Variants in TMEM132C observed in about 807,000 individuals in gnomAD.
TMEM132C encodes the protein transmembrane protein 132C.
TMEM132C carries 29 observed loss-of-function variants against 61.4 expected under a neutral mutation model. The observed-to-expected ratio is 0.47, with a 90% CI of 0.35 to 0.64. The LOEUF is 0.64. TMEM132C is among the 30% of genes least tolerant of loss of function. TMEM132C has a pLI of 0.00. For missense variants in TMEM132C, 1,408 were observed against 1,476.9 expected (o/e 0.95, Z 0.76); for synonymous variants, 656 against 633.1 (o/e 1.04, Z -0.54).
At chr12:128,476,136 T>C (rs1871146775) in intron 2 of TMEM132C, among the ~76,000 whole-genome samples, 1 of 152,226 alleles carries the variant, frequency 6.6e-6, no homozygotes, top group African/African-American at 2.4e-5. Context: ...TGATCATCCC[T>C]GCATTCTCCT....
chr12:128,346,242 A>G (rs1593019364), intron 1 of TMEM132C, among the ~76,000 whole-genome samples: 1 of 151,832 alleles, frequency 6.6e-6, no homozygotes, highest in Admixed American at 6.6e-5. Flanking sequence ...CTGTTTTTTT[A>G]TTCTCTTCCA....
intron 4 of TMEM132C, among the ~76,000 whole-genome samples, chr12:128,642,201 G>A (rs1026383298): frequency 7.3e-5 from 11 of 151,710 alleles, no homozygotes; most frequent in African/African-American, 1.7e-4. Flanking sequence ...GTGCGATCTC[G>A]GCTCACTGCA....
chr12:128,696,868 T>A (rs1447078847), intron 7 of TMEM132C, among the ~76,000 whole-genome samples: 1 of 152,214 alleles, frequency 6.6e-6, no homozygotes, highest in African/African-American at 2.4e-5. Context: ...AAATTTATAA[T>A]TCAATTCTTC....
chr12:128,398,722 A>G (rs1037734684), intron 1 of TMEM132C, among the ~76,000 whole-genome samples: 5 of 152,176 alleles, frequency 3.3e-5, no homozygotes, highest in Admixed American at 1.3e-4. Flanking sequence ...TAATAAAGAT[A>G]CTTCACGCAT....
rs144261529 is a variant in TMEM132C at position 128,469,662 on chromosome 12, GTATA to G, written c.974+54052_974+54055del. Among the ~76,000 whole-genome samples the G allele has an allele frequency of 6.6e-3, 958 of 144,840 alleles. 7 individuals carry two copies. Among genetic ancestry groups the G allele is most frequent in the African/African-American group, 0.022 (885 of 39,712 alleles). ...TGTTTGTGTGTGTGTGTGTGTGTGT[GTATA>G]TATATATATGTGCATTTATGTGTGT... On this transcript the variant is annotated intron_variant, in intron 2 of 8. Coordinates refer to ENST00000435159, the MANE Select transcript of TMEM132C (RefSeq NM_001136103.3).
intron 2 of TMEM132C, among the ~76,000 whole-genome samples, chr12:128,540,850 C>A (rs78574013): frequency 6.6e-6 from 1 of 151,376 alleles, no homozygotes; most frequent in East Asian, 1.9e-4. Flanking sequence ...TCAGGGCCCG[C>A]GGGTCGAGGG....
intron 1 of TMEM132C, among the ~76,000 whole-genome samples, chr12:128,366,228 A>G (rs1873865627): frequency 2.0e-5 from 3 of 152,114 alleles, no homozygotes; most frequent in South Asian, 4.1e-4. Context: ...CCAGACCTCT[A>G]TGCTGTCTGC....
At chr12:128,561,269 C>G (rs528827174) in intron 3 of TMEM132C, among the ~76,000 whole-genome samples, 2 of 152,314 alleles carry the variant, frequency 1.3e-5, no homozygotes, top group East Asian at 3.9e-4. Flanking sequence ...TGGCTTTGCC[C>G]AAGCTTGAAA....
intron 1 of TMEM132C, among the ~76,000 whole-genome samples, chr12:128,348,981 C>A (rs1457037201): frequency 1.3e-5 from 2 of 151,932 alleles, no homozygotes; most frequent in African/African-American, 2.4e-5. Context: ...TTATTTGTAA[C>A]CCTGAAGTGG....
chr12:128,611,283 T>A (rs1340758436), intron 3 of TMEM132C, among the ~76,000 whole-genome samples: 1 of 152,230 alleles, frequency 6.6e-6, no homozygotes, highest in Admixed American at 6.5e-5. Context: ...TGGTTCAAAC[T>A]GCTAACTTTC....
chr12:128,453,771 G>A (rs961394599), intron 2 of TMEM132C, among the ~76,000 whole-genome samples: 4 of 152,204 alleles, frequency 2.6e-5, no homozygotes, highest in Admixed American at 6.5e-5. Context: ...GCACCACCCC[G>A]CAGGGGCTGG....
intron 1 of TMEM132C, among the ~76,000 whole-genome samples, chr12:128,316,457 G>A (rs1327601274): frequency 6.6e-6 from 1 of 152,186 alleles, no homozygotes; most frequent in Non-Finnish European, 1.5e-5. Context: ...TCCTGGGAAG[G>A]GATGGGAGTT....
chr12:128,614,994 A>G (rs1876751685), intron 3 of TMEM132C, among the ~76,000 whole-genome samples: 1 of 152,130 alleles, frequency 6.6e-6, no homozygotes, highest in Admixed American at 6.5e-5. Flanking sequence ...GCCCCAGGAG[A>G]ACCAGGGCCA....
chr12:128,422,203 G>T (rs984145218), intron 2 of TMEM132C, among the ~76,000 whole-genome samples: 1 of 152,166 alleles, frequency 6.6e-6, no homozygotes, highest in Non-Finnish European at 1.5e-5. Flanking sequence ...GGATGCTGAG[G>T]ATGGGATGAC....
intron 1 of TMEM132C, among the ~76,000 whole-genome samples, chr12:128,388,153 G>A (rs1874645736): frequency 6.6e-6 from 1 of 152,226 alleles, no homozygotes; most frequent in Non-Finnish European, 1.5e-5. Flanking sequence ...GGGATCCGTG[G>A]TGTCAGTGTG....
chr12:128,585,141 C>T (rs146588576), intron 3 of TMEM132C, among the ~76,000 whole-genome samples: 238 of 152,364 alleles, frequency 1.6e-3, no homozygotes, highest in African/African-American at 5.4e-3. Flanking sequence ...CAGGCCGTGG[C>T]TACTTTTTTG....
intron 5 of TMEM132C, among the ~76,000 whole-genome samples, chr12:128,687,076 C>T (rs1186698676): frequency 1.3e-5 from 2 of 151,822 alleles, no homozygotes; most frequent in East Asian, 1.9e-4. Context: ...GTAGTGCATG[C>T]CTGTAGTCCC....
intron 2 of TMEM132C, among the ~76,000 whole-genome samples, chr12:128,481,957 A>T (rs1293948502): frequency 6.6e-6 from 1 of 152,148 alleles, no homozygotes; most frequent in African/African-American, 2.4e-5. Context: ...CATTTGTCTC[A>T]TTCTTCTGCT....
At chr12:128,483,710 G>A (rs901337664) in intron 2 of TMEM132C, among the ~76,000 whole-genome samples, 9 of 152,116 alleles carry the variant, frequency 5.9e-5, no homozygotes, top group South Asian at 4.1e-4. Flanking sequence ...TCAGAGCCCC[G>A]TGGGAAATTG....
Sources: allele counts gnomAD v4.1 joint callset (sites outside exome capture counted in the v4.1 genomes callset), GRCh38; gene constraint gnomAD v4.1.1; transcripts MANE v1.5; gene names NCBI Gene and HGNC (gene_info 2026-07-23, HGNC 2026-07-21).